Variants in SP3 observed in about 807,000 individuals in gnomAD.
The protein encoded by SP3 is transcription factor Sp3.
SP3 carries 10 observed loss-of-function variants against 70.3 expected under a neutral mutation model. The ratio of observed to expected loss-of-function variants is 0.14; its 90% CI spans 0.09 to 0.24. The LOEUF (loss-of-function observed/expected upper bound fraction) is 0.24, where lower values mean the gene tolerates loss of function less well. Ranked by LOEUF, SP3 falls within the 10% of genes least tolerant of loss-of-function variation. SP3 has a pLI of 1.00. For synonymous variants in SP3, 402 were observed against 333.5 expected (o/e 1.21, Z -2.24); for missense variants, 825 against 914.6 (o/e 0.90, Z 1.26).
intron 4 of SP3, among the ~76,000 whole-genome samples, chr2:173,926,677 AT>A (rs1272645729): frequency 6.6e-6 from 1 of 152,218 alleles, no homozygotes; most frequent in African/African-American, 2.4e-5. Context: ...TTTTAAAATT[AT>A]TTTTAAGTAA....
chr2:173,956,914 C>T (rs16862223), intron 3 of SP3, among the ~76,000 whole-genome samples: 1 of 152,062 alleles, frequency 6.6e-6, no homozygotes, highest in Non-Finnish European at 1.5e-5. Context: ...TCTAAGTTTT[C>T]AGTAGAATGT....
At chr2:173,933,256 T>C (rs1404324656) in intron 4 of SP3, among the ~76,000 whole-genome samples, 1 of 152,156 alleles carries the variant, frequency 6.6e-6, no homozygotes, top group Non-Finnish European at 1.5e-5. Context: ...TTACATTCTA[T>C]TTTTTATACT....
At position 173,905,380 on chromosome 2, in the gene SP3, C is replaced by A. The variant is rs964056033; in HGVS notation, c.*4561G>T. 3.9e-5 allele frequency among the ~76,000 whole-genome samples: 6 copies of A among 152,076 alleles called. No individual in the cohort carries two copies. Among genetic ancestry groups the A allele is most frequent in the Admixed American group, 3.3e-4 (5 of 15,276 alleles). On this transcript the variant is annotated 3_prime_UTR_variant, in exon 7 of 7. Transcript: ENST00000310015. ...TATCAACAGGGAGTACTATTGTTAG[C>A]CTCTTCATGGATGATGAAAATGAGG... is the stretch of plus-strand genomic sequence containing the variant.
intron 6 of SP3, among the ~76,000 whole-genome samples, chr2:173,912,734 GA>G (rs60889294): frequency 0.2 from 29,812 of 151,602 alleles, 3,120 homozygotes; most frequent in Middle Eastern, 0.27. Context: ...TAAGAGGAAA[GA>G]AAAAAAATAG....
intron 4 of SP3, among the ~76,000 whole-genome samples, chr2:173,943,366 C>T (rs1690434379): frequency 6.6e-6 from 1 of 152,190 alleles, no homozygotes; most frequent in African/African-American, 2.4e-5. Context: ...GTCAATGTGA[C>T]AGGCTCCTTT....
At chr2:173,941,370 G>A (rs967749359) in intron 4 of SP3, among the ~76,000 whole-genome samples, 2 of 152,168 alleles carry the variant, frequency 1.3e-5, no homozygotes, top group Admixed American at 6.5e-5. Context: ...CACTTTGGGA[G>A]GCTAAGGCAG....
rs1322436948 is a variant in SP3, at chr2:173,905,359, A to G, written c.*4582T>C. On this transcript the variant is annotated 3_prime_UTR_variant, in exon 7 of 7. Coordinates refer to ENST00000310015, the MANE Select transcript of SP3 (RefSeq NM_003111.5). ...TATATTTTAATACAACAATCCTATC[A>G]ACAGGGAGTACTATTGTTAGCCTCT... Among the ~76,000 whole-genome samples, 1 of 152,222 alleles carries G rather than the reference A, an allele frequency of 6.6e-6. No individual in the cohort carries two copies. The highest frequency in any genetic ancestry group is 2.4e-5 in the African/African-American group (1 of 41,460).
At chr2:173,934,003 G>A (rs115071937) in intron 4 of SP3, among the ~76,000 whole-genome samples, 29,723 of 151,832 alleles carry the variant, frequency 0.2, 3,110 homozygotes, top group Middle Eastern at 0.27. Context: ...AGGCAGAGGT[G>A]GGAGGATAGC....
intron 5 of SP3, chr2:173,915,728 T>C (rs1381543673): frequency 2.6e-5 from 4 of 152,076 alleles, no homozygotes; most frequent in Non-Finnish European, 5.9e-5. Context: ...TATATAACAA[T>C]CATGCCTCTA....
Position 173,906,233 on chromosome 2 carries a change from C to A in SP3, c.*3708G>T, listed in dbSNP as rs1689316846. Among the ~76,000 whole-genome samples the A allele has an allele frequency of 6.6e-6, 1 of 152,158 alleles. No homozygotes were observed. Among genetic ancestry groups the A allele is most frequent in the South Asian group, 2.1e-4 (1 of 4,832 alleles). On this transcript the variant is annotated 3_prime_UTR_variant, in exon 7 of 7. Coordinates refer to ENST00000310015, the MANE Select transcript of SP3 (RefSeq NM_003111.5). Reference sequence around the variant, plus strand: ...AGTTTCCCAGACTTCATGCAGAATTCTCCCTCTTCTAGGTTTCTACAGTAC... The same window carrying A: ...AGTTTCCCAGACTTCATGCAGAATTATCCCTCTTCTAGGTTTCTACAGTAC...
At chr2:173,927,048 A>G (rs1689933320) in intron 4 of SP3, among the ~76,000 whole-genome samples, 1 of 152,112 alleles carries the variant, frequency 6.6e-6, no homozygotes, top group South Asian at 2.1e-4. Context: ...GAGAGCTGGC[A>G]AGTCACATGA....
chr2:173,916,616 T>C (rs1689623873), intron 5 of SP3: 1 of 152,096 alleles, frequency 6.6e-6, no homozygotes, highest in Non-Finnish European at 1.5e-5. Flanking sequence ...TTAAGGTATT[T>C]TTCATCTGTC....
chr2:173,922,606 C>T (rs1689786774), intron 4 of SP3, among the ~76,000 whole-genome samples: 1 of 151,778 alleles, frequency 6.6e-6, no homozygotes, highest in Non-Finnish European at 1.5e-5. Context: ...CTAAAAAGAA[C>T]CAGCATAGGG....
chr2:173,918,321 C>G (rs1689662079), intron 5 of SP3, among the ~76,000 whole-genome samples: 2 of 152,076 alleles, frequency 1.3e-5, no homozygotes, highest in African/African-American at 2.4e-5. Context: ...GGTTTGCAAA[C>G]AGGCTAATTT....
Position 173,906,047 on chromosome 2 carries a change from G to A in SP3, c.*3894C>T, listed in dbSNP as rs144744073. On this transcript the variant is annotated 3_prime_UTR_variant, in exon 7 of 7. Transcript: ENST00000310015. ...GGACTAGAATGAATTTTTCTGGGGA[G>A]AAGGTGTAGGATTCCAAAAAGACTA... Among the ~76,000 whole-genome samples, 699 of 152,260 alleles carry A rather than the reference G, an allele frequency of 4.6e-3. 6 individuals are homozygous for A. Among genetic ancestry groups the A allele is most frequent in the Admixed American group, 8.2e-3 (125 of 15,294 alleles).
chr2:173,928,379 G>A (rs1269947219), intron 4 of SP3, among the ~76,000 whole-genome samples: 1 of 152,102 alleles, frequency 6.6e-6, no homozygotes, highest in Non-Finnish European at 1.5e-5. Flanking sequence ...GATGTCATTT[G>A]AGGAAAAGGC....
chr2:173,949,364 AG>A (rs1193195941), intron 4 of SP3, among the ~76,000 whole-genome samples: 1 of 147,396 alleles, frequency 6.8e-6, no homozygotes, highest in East Asian at 1.9e-4. Context: ...ACCCTCAAAA[AG>A]GAAAAAAAAA....
Position 173,955,228 on chromosome 2 carries a change from A to T in SP3, c.1284T>A (p.Gly428=). 1 of 1,614,114 alleles carries T rather than the reference A, an allele frequency of 6.2e-7. No individual in the cohort carries two copies. Among genetic ancestry groups the T allele is most frequent in the Non-Finnish European group, 8.5e-7 (1 of 1,180,026 alleles). The part of the protein sequence containing the change: ...PQTIHGVQAS[G]QNISQQALQN... The stretch of plus-strand genomic sequence containing the variant: ...GCAAAGCCTGTTGTGATATATTTTG[A>T]CCACTGGCTTGCACACCATGGATTG... The change falls in exon 4 of 7, where the codon GGT becomes GGA. Residue 428 remains glycine, a synonymous_variant. Coordinates refer to ENST00000310015, the MANE Select transcript of SP3 (RefSeq NM_003111.5).
chr2:173,950,326 A>G (rs1195594973), intron 4 of SP3, among the ~76,000 whole-genome samples: 1 of 152,160 alleles, frequency 6.6e-6, no homozygotes. Flanking sequence ...GTTTAAAAAA[A>G]AAAAAAGTAC....
Sources: gnomAD v4.1 joint callset for allele counts (sites outside exome capture counted in the v4.1 genomes callset) on GRCh38, gnomAD v4.1.1 for gene constraint, MANE v1.5 for transcripts, NCBI Gene and HGNC (gene_info 2026-07-23, HGNC 2026-07-21) for gene names.